The following TNRC18 variants were observed in gnomAD, a reference collection of about 807,000 sequenced individuals.
TNRC18 encodes the protein trinucleotide repeat containing 18.
Under a neutral mutation model 226.7 loss-of-function variants are expected in TNRC18, and 69 were observed. That is an observed-to-expected ratio of 0.30 (90% CI 0.25 to 0.37). TNRC18 has a LOEUF of 0.37. Among genes scored for constraint, TNRC18 ranks in the 10% least tolerant of loss-of-function variants. The pLI is 1.00. For synonymous variants in TNRC18, 2,449 were observed against 1,927.6 expected (o/e 1.27, Z -7.09); for missense variants, 4,754 against 4,256.6 (o/e 1.12, Z -3.25).
rs1000765839 is a variant in TNRC18, at chr7:5,394,695, C to G, written c.188-100G>C. On this transcript the variant is annotated intron_variant, in intron 2 of 29. Coordinates refer to ENST00000430969, the MANE Select transcript of TNRC18 (RefSeq NM_001080495.3). The surrounding 1 kb of genome is among the most constrained non-coding windows in gnomAD (Gnocchi z 4.5). ...CCACCGCCCCGAGACCGCCGCCTCT[C>G]CCCAGCTGTGTGGAGCTGATGCTGG... is the stretch of plus-strand genomic sequence containing the variant. 38 of 891,638 alleles carry G rather than the reference C, an allele frequency of 4.3e-5. No homozygotes were observed. In the Middle Eastern group the frequency reaches 1.3e-3, roughly 31 times the overall value. 55.2% of individuals were successfully genotyped at this position (891,638 alleles called of 1,614,324 possible).
chr7:5,391,316 A>ATT (rs374504335), intron 3 of TNRC18, among the ~76,000 whole-genome samples: 3 of 144,898 alleles, frequency 2.1e-5, no homozygotes, highest in East Asian at 2.0e-4. Flanking sequence ...AACTATTCAG[A>ATT]TTTTTTTTTT....
At chr7:5,334,096 G>T (rs185438026) in intron 18 of TNRC18, among the ~76,000 whole-genome samples, 10 of 152,130 alleles carry the variant, frequency 6.6e-5, no homozygotes, top group Admixed American at 6.5e-4. Context: ...CAACCTCAGG[G>T]AGAGCCAGTG....
At chr7:5,323,568 G>GTTTTTT (rs1554272402) in intron 21 of TNRC18, among the ~76,000 whole-genome samples, 79,791 of 121,432 alleles carry the variant, frequency 0.66, 27,901 homozygotes, top group East Asian at 0.84. Context: ...GCACCAGACA[G>GTTTTTT]TTTTTTTTTT....
At chr7:5,321,220 G>A in intron 21 of TNRC18, 30 bp from the exon 22 acceptor site, 1 of 1,483,118 alleles carries the variant, frequency 6.7e-7, no homozygotes, top group Non-Finnish European at 9.1e-7. Flanking sequence ...AGGCGAGGCT[G>A]GAGCCGGGGG....
intron 11 of TNRC18, among the ~76,000 whole-genome samples, chr7:5,368,083 A>G (rs1793788393): frequency 6.6e-6 from 1 of 151,922 alleles, no homozygotes; most frequent in African/African-American, 2.4e-5. Context: ...TTTAAAGCAG[A>G]CGAAAATGCC....
intron 2 of TNRC18, among the ~76,000 whole-genome samples, chr7:5,401,909 C>T (rs922252786): frequency 2.0e-5 from 3 of 152,068 alleles, no homozygotes; most frequent in Non-Finnish European, 2.9e-5. Flanking sequence ...GGCGTGGTGG[C>T]TCACACCTGT....
intron 18 of TNRC18, among the ~76,000 whole-genome samples, chr7:5,335,537 A>G (rs903044420): frequency 1.3e-5 from 2 of 149,738 alleles, no homozygotes; most frequent in Non-Finnish European, 3.0e-5. Context: ...ACCAGGAGGC[A>G]GAGGTTGCAG....
In TNRC18 at chr7:5,379,976, A is replaced by G. The variant is rs547591698; in HGVS notation, c.2153-1952T>C. Among the ~76,000 whole-genome samples the G allele has an allele frequency of 2.6e-5, 4 of 152,334 alleles. No individual in the cohort carries two copies. In the South Asian group the frequency reaches 8.3e-4, roughly 32 times the overall value. ...CCGCCAGCTGCAATGTCAGGGGATCAGCCGCCAGCACAGAGAAACTATCCT... is the reference window on the plus strand; with the variant it reads ...CCGCCAGCTGCAATGTCAGGGGATCGGCCGCCAGCACAGAGAAACTATCCT... On this transcript the variant is annotated intron_variant, in intron 5 of 29. Coordinates refer to ENST00000430969, the MANE Select transcript of TNRC18 (RefSeq NM_001080495.3).
Position 5,324,131 on chromosome 7 carries a change from G to C in TNRC18, c.6442+83C>G. 1 of 1,453,266 alleles carries C rather than the reference G, an allele frequency of 6.9e-7. No homozygotes were observed. The allele number at this position is 1,453,266 out of a possible 1,614,324, so 90.0% of individuals were successfully genotyped here. A position where few individuals can be genotyped will look rare whatever the true frequency, so the allele number is the denominator to read the frequency against. On this transcript the variant is annotated intron_variant, in intron 21 of 29. Coordinates refer to ENST00000430969, the MANE Select transcript of TNRC18 (RefSeq NM_001080495.3). The surrounding 1 kb of genome is among the most constrained non-coding windows in gnomAD (Gnocchi z 4.8). The stretch of plus-strand genomic sequence containing the variant: ...TGCCCCCAGCTAGCCCAGCCCTTCA[G>C]TCTCAAGCCTTGCTCAGATCTGCCT...
intron 17 of TNRC18, among the ~76,000 whole-genome samples, chr7:5,350,058 C>G (rs2128144177): frequency 6.6e-6 from 1 of 152,134 alleles, no homozygotes; most frequent in East Asian, 1.9e-4. Context: ...GGCAGGAGGG[C>G]TCAAAAACTT....
chr7:5,379,497 C>A (rs964961637), intron 5 of TNRC18, among the ~76,000 whole-genome samples: 1 of 151,612 alleles, frequency 6.6e-6, no homozygotes, highest in Non-Finnish European at 1.5e-5. Flanking sequence ...GAGATGCTAC[C>A]GGGCTCACCC....
At chr7:5,329,682 C>CAAAAAAA (rs10628315) in intron 19 of TNRC18, among the ~76,000 whole-genome samples, 1 of 45,754 alleles carries the variant, frequency 2.2e-5, no homozygotes, top group African/African-American at 9.3e-5. Flanking sequence ...GACTCCGTCT[C>CAAAAAAA]AAAAAAAAAA....
intron 26 of TNRC18, 94 bp from the exon 27 acceptor site, chr7:5,313,957 G>C (rs1787578831): frequency 7.9e-7 from 1 of 1,263,018 alleles, no homozygotes; most frequent in African/African-American, 1.7e-5. Flanking sequence ...TGTGAGTTTT[G>C]TTTTTGTTTT....
At position 5,387,669 on chromosome 7, in the gene TNRC18, T is replaced by TAC. The variant is rs1779896456; in HGVS notation, c.2152+1_2152+2dup. On this transcript the variant is annotated splice_region_variant and intron_variant, in intron 5 of 29. Transcript: ENST00000430969. ...CCGCACCTGGGCTCTGCCCAGGACCTACCTTTGACGTTACTCAGCGACAGA... is the reference window on the plus strand; with the variant it reads ...CCGCACCTGGGCTCTGCCCAGGACCTACACCTTTGACGTTACTCAGCGACAGA... The TAC allele has an allele frequency of 6.2e-7, 1 of 1,603,088 alleles. No individual in the cohort carries two copies. The highest frequency in any genetic ancestry group is 8.5e-7 in the Non-Finnish European group (1 of 1,179,834).
rs1208026325 is a variant in TNRC18 at position 5,356,007 on chromosome 7, A to G, written c.5194+909T>C. Among the ~76,000 whole-genome samples, 4 of 152,028 alleles carry G rather than the reference A, an allele frequency of 2.6e-5. No homozygotes were observed. In the East Asian group the frequency reaches 7.7e-4, roughly 29 times the overall value. On this transcript the variant is annotated intron_variant, in intron 16 of 29. Transcript: ENST00000430969. The stretch of plus-strand genomic sequence containing the variant: ...TGGCAAAACCCCGTCTCTACTAAAA[A>G]TACAAAATTAGCTGGGTGTGGTGGC...
intron 3 of TNRC18, among the ~76,000 whole-genome samples, chr7:5,393,082 C>T (rs1162771705): frequency 1.3e-5 from 2 of 152,236 alleles, no homozygotes; most frequent in African/African-American, 4.8e-5. Context: ...TGAGTGTGCA[C>T]TGGGCTGTGG....
Position 5,312,966 on chromosome 7 carries a change from G to A in TNRC18, c.7925C>T (p.Ser2642Phe). 3 of 1,164,958 alleles carry A rather than the reference G, an allele frequency of 2.6e-6. No individual in the cohort carries two copies. Among genetic ancestry groups the A allele is most frequent in the East Asian group, 2.7e-5 (1 of 36,842 alleles). The allele number at this position is 1,164,958 out of a possible 1,614,324, so 72.2% of individuals were successfully genotyped here. The stretch of plus-strand genomic sequence containing the variant: ...GGAAGAGGAGGAAGACGAAGAGGAA[G>A]AGGAGGAGGAGGAAGAGGAGGAGGA... ...SSSSSSSSSS[S>F]SSSSSSSSSS... Residue 2642 changes from serine to phenylalanine, a missense_variant, in exon 27 of 30, where the codon TCT becomes TTT. Ser to Phe is a radical substitution (Grantham distance 155). Transcript: ENST00000430969. The surrounding 1 kb of genome is among the most constrained non-coding windows in gnomAD (Gnocchi z 6.3).
chr7:5,308,497 G>A (rs1047322087), intron 29 of TNRC18, among the ~76,000 whole-genome samples, 185 bp from the exon 30 acceptor site: 5 of 152,230 alleles, frequency 3.3e-5, no homozygotes, highest in African/African-American at 1.2e-4. Flanking sequence ...GAGAGATGGA[G>A]AGCAAATGAG....
rs139516916 is a variant in TNRC18 at position 5,400,024 on chromosome 7, G to T, written c.188-5429C>A. On this transcript the variant is annotated intron_variant, in intron 2 of 29. Transcript: ENST00000430969. ...CCCACCTTTGCCTCCTGAGTAGCTG[G>T]GACTGCAGGTGTGCACCACCATGTA... 1.6e-4 allele frequency among the ~76,000 whole-genome samples: 25 copies of T among 152,138 alleles called. No homozygotes were observed. The East Asian group carries it at 3.5e-3, about 21-fold the overall frequency.
Sources: allele counts gnomAD v4.1 joint callset (sites outside exome capture counted in the v4.1 genomes callset), GRCh38; gene constraint gnomAD v4.1.1; non-coding constraint Gnocchi (gnomAD v3.1); transcripts MANE v1.5; gene names NCBI Gene and HGNC (gene_info 2026-07-23, HGNC 2026-07-21).